Variants in AHCY observed in about 807,000 individuals in gnomAD.
The protein encoded by AHCY is adenosylhomocysteinase, also known as S-adenosyl-L-homocysteine hydrolase.
A neutral mutation model predicts 45.4 loss-of-function variants in AHCY; 24 were observed. The observed-to-expected ratio is 0.53, with a 90% CI of 0.38 to 0.74. AHCY has a LOEUF of 0.74. Ranked by LOEUF, AHCY falls within the 30% of genes least tolerant of loss-of-function variation. AHCY has a pLI of 0.00. For missense variants in AHCY, 449 were observed against 594.1 expected, an observed-to-expected ratio of 0.76 and a Z score of 2.54; for synonymous variants, 245 against 235.1, an observed-to-expected ratio of 1.04 and a Z score of -0.39.
chr20:34,280,102 G>C (rs918689774), downstream of AHCY, among the ~76,000 whole-genome samples: 1 of 151,988 alleles, frequency 6.6e-6, no homozygotes, highest in Non-Finnish European at 1.5e-5. Context: ...AAAAAAAAAC[G>C]AAAGAGTTCC....
At chr20:34,305,678 GA>G (rs2036888480), upstream of AHCY, among the ~76,000 whole-genome samples, 1 of 152,174 alleles carries the variant, frequency 6.6e-6, no homozygotes, top group Non-Finnish European at 1.5e-5. Flanking sequence ...CAAACAAGTA[GA>G]AAAGGACACA....
At chr20:34,262,945 TAAAG>T in the AHCY span, 14 of 1,601,102 alleles carry the variant, frequency 8.7e-6, no homozygotes, top group Middle Eastern at 3.3e-4. Context: ...AGACTGGACT[TAAAG>T]AAGGAGGACC....
At chr20:34,299,054 A>C (rs1266025976) in intron 1 of AHCY, among the ~76,000 whole-genome samples, 2 of 152,160 alleles carry the variant, frequency 1.3e-5, no homozygotes, top group East Asian at 3.9e-4. Flanking sequence ...CGGGGCCACT[A>C]CCGGTCTCCG....
intron 1 of AHCY, among the ~76,000 whole-genome samples, chr20:34,310,061 A>T (rs1568821913): frequency 6.7e-6 from 1 of 148,524 alleles, no homozygotes; most frequent in Non-Finnish European, 1.5e-5. Flanking sequence ...TGAATGATGA[A>T]TTTTTTTTTT....
the AHCY span, among the ~76,000 whole-genome samples, chr20:34,241,149 G>A: frequency 2.0e-5 from 3 of 152,154 alleles, no homozygotes; most frequent in Non-Finnish European, 2.9e-5. Context: ...CGCCTATAGA[G>A]ATTCTATTTT....
intron 1 of AHCY, among the ~76,000 whole-genome samples, chr20:34,299,985 G>A (rs2036715761): frequency 6.6e-6 from 1 of 152,186 alleles, no homozygotes; most frequent in Admixed American, 6.5e-5. Flanking sequence ...AGAAGTTCGA[G>A]AGCAGCCTGG....
chr20:34,269,083 C>T, the AHCY span: 1 of 1,581,472 alleles, frequency 6.3e-7, no homozygotes. Context: ...CGCCGGCACC[C>T]GCCTGCTGCG....
chr20:34,246,172 C>G, the AHCY span: 1 of 1,106,602 alleles, frequency 9.0e-7, no homozygotes, highest in African/African-American at 1.6e-5. Context: ...CATGTTTCTT[C>G]TTTGCTCTAG....
the AHCY span, chr20:34,246,649 G>A: frequency 3.7e-6 from 2 of 541,210 alleles, no homozygotes; most frequent in African/African-American, 1.9e-5. Context: ...GTAGAGATGG[G>A]GTTTCGCCAT....
At chr20:34,277,366 T>C (rs1601628700), downstream of AHCY, among the ~76,000 whole-genome samples, 3 of 152,124 alleles carry the variant, frequency 2.0e-5, no homozygotes, top group East Asian at 5.8e-4. Context: ...TCTCCCTTAG[T>C]TCCAAGATCC....
the AHCY span, chr20:34,268,907 C>G: frequency 6.6e-7 from 1 of 1,509,092 alleles, no homozygotes; most frequent in Non-Finnish European, 9.0e-7. Flanking sequence ...CGGGATCTCC[C>G]TAGCCCGAGG....
intron 1 of AHCY, among the ~76,000 whole-genome samples, chr20:34,300,141 C>A (rs757915231): frequency 7.2e-5 from 11 of 152,094 alleles, no homozygotes; most frequent in Non-Finnish European, 1.5e-4. Context: ...GCTAAAATAG[C>A]ACCACTGCAC....
intron 9 of AHCY, among the ~76,000 whole-genome samples, chr20:34,283,866 G>A (rs2122722401): frequency 6.6e-6 from 1 of 152,352 alleles, no homozygotes. Flanking sequence ...CCTTTCAAAA[G>A]ATGAAGGGAT....
At chr20:34,286,709 T>G (rs1422689590) in intron 8 of AHCY, among the ~76,000 whole-genome samples, 2 of 151,828 alleles carry the variant, frequency 1.3e-5, no homozygotes, top group African/African-American at 4.8e-5. Flanking sequence ...AGCACATGCC[T>G]GTAATCCCAG....
chr20:34,309,613 T>C (rs2036928043), intron 1 of AHCY, among the ~76,000 whole-genome samples: 1 of 151,998 alleles, frequency 6.6e-6, no homozygotes, highest in Non-Finnish European at 1.5e-5. Context: ...AACCCCTGTC[T>C]CCACTAAAAA....
chr20:34,260,435 A>C, the AHCY span: 1 of 1,614,108 alleles, frequency 6.2e-7, no homozygotes, highest in Non-Finnish European at 8.5e-7. Flanking sequence ...CTTCACTGCC[A>C]ACAGCCACCT....
intron 8 of AHCY, among the ~76,000 whole-genome samples, chr20:34,289,098 C>T (rs1399704973): frequency 1.3e-5 from 2 of 151,802 alleles, no homozygotes; most frequent in African/African-American, 4.8e-5. Flanking sequence ...CTGCCTACCA[C>T]GTTTAAGCGA....
At chr20:34,292,834 A>T (rs959940752) in intron 3 of AHCY, among the ~76,000 whole-genome samples, 10 of 152,236 alleles carry the variant, frequency 6.6e-5, no homozygotes, top group Admixed American at 5.9e-4. Flanking sequence ...CCAGATATAG[A>T]TATCAGGAAA....
At chr20:34,269,303 C>T in the AHCY span, 2 of 1,122,136 alleles carry the variant, frequency 1.8e-6, no homozygotes, top group East Asian at 2.9e-5. Context: ...TCAGGGAGAC[C>T]TGGCTTGGGC....
Sources: gnomAD v4.1 joint callset for allele counts (sites outside exome capture counted in the v4.1 genomes callset) on GRCh38, gnomAD v4.1.1 for gene constraint, MANE v1.5 for transcripts, NCBI Gene and HGNC (gene_info 2026-07-23, HGNC 2026-07-21) for gene names.